UNC5D: variants seen among roughly 807,000 people sequenced by gnomAD.
The protein encoded by UNC5D is unc-5 netrin receptor D, also known as netrin receptor UNC5D.
Under a neutral mutation model 105.4 loss-of-function variants are expected in UNC5D, and 39 were observed. The ratio of observed to expected loss-of-function variants is 0.37; its 90% confidence interval spans 0.29 to 0.48. The LOEUF is 0.48. Ranked by LOEUF, UNC5D falls within the 20% of genes least tolerant of loss-of-function variation. The probability of loss-of-function intolerance (pLI) is 0.98; values close to 1 mark genes in which losing one functional copy is unlikely to be tolerated. For synonymous variants in UNC5D, 452 were observed against 450.4 expected, an observed-to-expected ratio of 1.00 and a Z score of -0.04; for missense variants, 991 against 1,202.4, an observed-to-expected ratio of 0.82 and a Z score of 2.60.
rs71513767 is a variant in UNC5D at position 35,658,776 on chromosome 8, G to C, written c.571-24771G>C. Among the ~76,000 whole-genome samples, 159 of 151,376 alleles carry C rather than the reference G, an allele frequency of 1.1e-3. 1 individual carries two copies. The highest frequency in any genetic ancestry group is 3.7e-3 in the African/African-American group (152 of 41,254). On this transcript the variant is annotated intron_variant, in intron 4 of 16. Transcript: ENST00000404895. The stretch of plus-strand genomic sequence containing the variant: ...ACGCCATTCTCCCACCTCAGCCTCC[G>C]GAGTAGCTGGGACTACAGGCGACTG...
At chr8:35,293,947 T>A (rs1242261212) in intron 1 of UNC5D, among the ~76,000 whole-genome samples, 1 of 152,148 alleles carries the variant, frequency 6.6e-6, no homozygotes, top group African/African-American at 2.4e-5. Flanking sequence ...TTGTGTTGAA[T>A]ACATGGGGTT....
chr8:35,641,379 A>G (rs1434710442), intron 4 of UNC5D, among the ~76,000 whole-genome samples: 4 of 150,450 alleles, frequency 2.7e-5, no homozygotes, highest in Non-Finnish European at 4.4e-5. Flanking sequence ...AAAAAAAAAA[A>G]AAAAAAGAAA....
At chr8:35,689,947 C>A (rs1441858007) in intron 7 of UNC5D, among the ~76,000 whole-genome samples, 5 of 152,254 alleles carry the variant, frequency 3.3e-5, no homozygotes, top group Admixed American at 3.3e-4. Flanking sequence ...TAAAACAGCT[C>A]AATCCATTCC....
intron 1 of UNC5D, among the ~76,000 whole-genome samples, chr8:35,248,924 A>AT: frequency 2.1e-5 from 2 of 93,390 alleles, no homozygotes; most frequent in African/African-American, 9.3e-5. Context: ...AAACATATAT[A>AT]ATATAAATAT....
intron 1 of UNC5D, among the ~76,000 whole-genome samples, chr8:35,495,458 CAAAAAAA>C (rs71547636): frequency 4.2e-3 from 187 of 44,620 alleles, no homozygotes; most frequent in Middle Eastern, 0.025. Flanking sequence ...ACAACAACAA[CAAAAAAA>C]AAAAAAAAAA....
intron 1 of UNC5D, among the ~76,000 whole-genome samples, chr8:35,303,406 G>A (rs1317334856): frequency 6.6e-6 from 1 of 152,086 alleles, no homozygotes; most frequent in African/African-American, 2.4e-5. Flanking sequence ...CAAGTGTTCA[G>A]TAGAATACAT....
chr8:35,664,294 A>G (rs1824292084), intron 4 of UNC5D, among the ~76,000 whole-genome samples: 1 of 152,184 alleles, frequency 6.6e-6, no homozygotes, highest in Admixed American at 6.5e-5. Context: ...AATCAGAAAC[A>G]GTTCTGCTGC....
At chr8:35,301,503 G>A (rs969023111) in intron 1 of UNC5D, among the ~76,000 whole-genome samples, 2 of 152,166 alleles carry the variant, frequency 1.3e-5, no homozygotes, top group East Asian at 1.9e-4. Flanking sequence ...CAAGCTGAAC[G>A]TGGAAGCAAG....
intron 2 of UNC5D, among the ~76,000 whole-genome samples, chr8:35,557,223 C>G (rs1307084619): frequency 1.3e-5 from 2 of 152,174 alleles, no homozygotes; most frequent in Non-Finnish European, 2.9e-5. Context: ...TACCAGACAC[C>G]TCTGAGCTGA....
chr8:35,331,082 A>T (rs1810591339), intron 1 of UNC5D, among the ~76,000 whole-genome samples: 1 of 152,126 alleles, frequency 6.6e-6, no homozygotes, highest in South Asian at 2.1e-4. Context: ...TGTTATCCAA[A>T]GGGGAATTTT....
intron 7 of UNC5D, among the ~76,000 whole-genome samples, chr8:35,698,954 G>T (rs1344873766): frequency 1.3e-5 from 2 of 152,096 alleles, no homozygotes; most frequent in African/African-American, 4.8e-5. Flanking sequence ...GAATTCATAG[G>T]TTAGAAAAAG....
At chr8:35,682,735 G>A (rs1825748241) in intron 4 of UNC5D, among the ~76,000 whole-genome samples, 1 of 152,192 alleles carries the variant, frequency 6.6e-6, no homozygotes, top group African/African-American at 2.4e-5. Context: ...TTCCTTTTGT[G>A]TTCAAGGAAA....
At chr8:35,372,762 C>T (rs10283094) in intron 1 of UNC5D, among the ~76,000 whole-genome samples, 7,979 of 152,130 alleles carry the variant, frequency 0.052, 247 homozygotes, top group African/African-American at 0.086. Context: ...TGTGATCACA[C>T]CCAGCTAATT....
At chr8:35,396,807 C>CT (rs778664487) in intron 1 of UNC5D, among the ~76,000 whole-genome samples, 2,809 of 122,694 alleles carry the variant, frequency 0.023, 47 homozygotes, top group Admixed American at 0.037. Flanking sequence ...CCCAAGGTGG[C>CT]TTTTTTTTTT....
At chr8:35,544,909 A>T (rs150768386) in intron 1 of UNC5D, among the ~76,000 whole-genome samples, 1 of 152,036 alleles carries the variant, frequency 6.6e-6, no homozygotes, top group African/African-American at 2.4e-5. Context: ...GGTCACACCT[A>T]TTCTTTATAT....
Position 35,454,953 on chromosome 8 carries a change from G to T in UNC5D, c.104-94339G>T, listed in dbSNP as rs1273288637. Among the ~76,000 whole-genome samples the T allele has an allele frequency of 2.6e-5, 4 of 152,164 alleles. 1 individual carries two copies. The highest frequency in any genetic ancestry group is 9.6e-5 in the African/African-American group (4 of 41,534). On this transcript the variant is annotated intron_variant, in intron 1 of 16. Transcript: ENST00000404895. The stretch of plus-strand genomic sequence containing the variant: ...AGAAGTCAAATGAAATTTATCCCTT[G>T]TTATGGATTTTATTCTTTTAATCAA...
At chr8:35,597,767 G>A (rs1164093094) in intron 4 of UNC5D, among the ~76,000 whole-genome samples, 1 of 152,098 alleles carries the variant, frequency 6.6e-6, no homozygotes, top group East Asian at 1.9e-4. Context: ...TTTAGAAGCA[G>A]GAAAACTGAT....
chr8:35,789,236 A>G (rs1284985971), intron 16 of UNC5D, among the ~76,000 whole-genome samples: 2 of 140,190 alleles, frequency 1.4e-5, no homozygotes, highest in African/African-American at 5.1e-5. Flanking sequence ...ATCAATATCC[A>G]TAGCTAGATC....
At chr8:35,239,217 T>G (rs992815855) in intron 1 of UNC5D, among the ~76,000 whole-genome samples, 3 of 152,168 alleles carry the variant, frequency 2.0e-5, no homozygotes, top group African/African-American at 7.2e-5. Context: ...GGGTCTGTGG[T>G]TCTTTAAGTA....
Sources: gnomAD v4.1 joint callset for allele counts (sites outside exome capture counted in the v4.1 genomes callset) on GRCh38, gnomAD v4.1.1 for gene constraint, MANE v1.5 for transcripts, NCBI Gene and HGNC (gene_info 2026-07-23, HGNC 2026-07-21) for gene names.